The following PCDHGA2 variants were observed in gnomAD, a reference collection of about 807,000 sequenced individuals.
PCDHGA2 encodes the protein protocadherin gamma-A2.
In PCDHGA2, 40 loss-of-function variants were observed where a neutral mutation model predicts 59.2. The observed-to-expected ratio is 0.68, with a 90% CI of 0.52 to 0.88. PCDHGA2 has a LOEUF of 0.88. Among genes scored for constraint, PCDHGA2 ranks in the 40% least tolerant of loss-of-function variants. PCDHGA2 has a pLI of 0.00. For missense variants in PCDHGA2, 1,226 were observed against 1,204.0 expected (o/e 1.02, Z -0.27); for synonymous variants, 560 against 526.0 (o/e 1.06, Z -0.89).
intron 1 of PCDHGA2, chr5:141,404,627 G>GC (rs2094548617): frequency 6.2e-7 from 1 of 1,614,026 alleles, no homozygotes; most frequent in Non-Finnish European, 8.5e-7. Flanking sequence ...GAATGACAAT[G>GC]CCCCAGAAAT....
chr5:141,393,350 C>T (rs775303289), intron 1 of PCDHGA2: 25 of 1,613,840 alleles, frequency 1.5e-5, no homozygotes, highest in Non-Finnish European at 1.9e-5. Flanking sequence ...ACCACTTCTC[C>T]CTGGACGTGC....
chr5:141,489,530 G>C lies in PCDHGA2; in HGVS notation c.2425-5277G>C, dbSNP rs751249228. 17 of 1,614,092 alleles carry C rather than the reference G, an allele frequency of 1.1e-5. 1 individual carries two copies. In the South Asian group the frequency reaches 1.9e-4, roughly 18 times the overall value. ...AAGATTGACCGAGAAAGCCTATGTG[G>C]AGCCAGCACCAGCTGCCTGCTGCCA... On this transcript the variant is annotated intron_variant, in intron 1 of 3. Coordinates refer to ENST00000394576, the MANE Select transcript of PCDHGA2 (RefSeq NM_018915.4). The surrounding 1 kb of genome is among the most constrained non-coding windows in gnomAD (Gnocchi z 4.5).
rs775081505 is a variant in PCDHGA2 at position 141,486,730 on chromosome 5, T to C, written c.2425-8077T>C. ...ACCCCCAGACAGGAGCTGTTCATGC[T>C]ACTCGATCCTTTGACTATGAGCAAA... On this transcript the variant is annotated intron_variant, in intron 1 of 3. Coordinates refer to ENST00000394576, the MANE Select transcript of PCDHGA2 (RefSeq NM_018915.4). This position sits in a 1 kb window ranked among gnomAD's most constrained non-coding sequence, Gnocchi z 5.0. 1 of 1,614,120 alleles carries C rather than the reference T, an allele frequency of 6.2e-7. No homozygotes were observed. Among genetic ancestry groups the C allele is most frequent in the Non-Finnish European group, 8.5e-7 (1 of 1,180,050 alleles).
rs13178808 is a variant in PCDHGA2 at position 141,491,920 on chromosome 5, G to A, written c.2425-2887G>A. 1.2e-4 allele frequency: 164 copies of A among 1,356,270 alleles called. No individual in the cohort carries two copies. Among genetic ancestry groups the A allele is most frequent in the Non-Finnish European group, 1.5e-4 (155 of 1,015,194 alleles). The allele number at this position is 1,356,270 out of a possible 1,614,324, so 84.0% of individuals were successfully genotyped here. On this transcript the variant is annotated intron_variant, in intron 1 of 3. Transcript: ENST00000394576. This position sits in a 1 kb window ranked among gnomAD's most constrained non-coding sequence, Gnocchi z 6.9. ...ACCGGGGGTGGTGGCGACTGTGGGC[G>A]AGGGGAGGTGGGACCGACCCCCACC...
chr5:141,432,014 A>G lies in PCDHGA2; in HGVS notation c.2425-62793A>G, dbSNP rs778393699. The G allele has an allele frequency of 1.5e-5, 25 of 1,614,078 alleles. No individual in the cohort carries two copies. The highest frequency in any genetic ancestry group is 2.0e-5 in the Non-Finnish European group (24 of 1,180,036). ...GGATAGGGAACAGGTTCCTAGCTAC[A>G]ACATCACAGTGACCGCCACTGACCG... On this transcript the variant is annotated intron_variant, in intron 1 of 3. Coordinates refer to ENST00000394576, the MANE Select transcript of PCDHGA2 (RefSeq NM_018915.4). This position sits in a 1 kb window ranked among gnomAD's most constrained non-coding sequence, Gnocchi z 6.0.
intron 1 of PCDHGA2, chr5:141,364,759 T>C: frequency 1.2e-6 from 2 of 1,613,952 alleles, no homozygotes; most frequent in Non-Finnish European, 1.7e-6. Context: ...TAAAAGTTAA[T>C]GAAAATGCGG....
In PCDHGA2 at chr5:141,339,668, C is replaced by T. The variant is rs747182196; in HGVS notation, c.697C>T (p.Leu233=). The change falls in exon 1 of 4, where the codon CTG becomes TTG. Residue 233 remains leucine (L), a synonymous_variant. Transcript: ENST00000394576. ...CACCTCCCGCATCTGCGTGAAGGTC[C>T]TGGATGCGAACGACAATGCGCCTGT... ...SGTSRICVKV[L]DANDNAPVFT... 2 of 1,614,210 alleles carry T rather than the reference C, an allele frequency of 1.2e-6. No homozygotes were observed. The highest frequency in any genetic ancestry group is 1.7e-5 in the Admixed American group (1 of 60,026).
intron 1 of PCDHGA2, chr5:141,398,655 A>G (rs760602313): frequency 3.1e-6 from 5 of 1,614,034 alleles, no homozygotes; most frequent in Non-Finnish European, 4.2e-6. Context: ...CTCTTAACCC[A>G]AGTTTCTCAT....
intron 1 of PCDHGA2, chr5:141,374,693 G>A (rs1222347266): frequency 6.2e-7 from 1 of 1,609,316 alleles, no homozygotes; most frequent in Non-Finnish European, 8.5e-7. Flanking sequence ...GGACCGGGAA[G>A]GAGAAGCCGT....
intron 1 of PCDHGA2, among the ~76,000 whole-genome samples, chr5:141,457,387 T>A (rs530736201): frequency 2.0e-5 from 3 of 152,340 alleles, no homozygotes; most frequent in Non-Finnish European, 2.9e-5. Context: ...AGAACTAGCA[T>A]ATTGATTCAC....
At position 141,385,580 on chromosome 5, in the gene PCDHGA2, A is replaced by G. The variant is rs2090291043; in HGVS notation, c.2424+44185A>G. On this transcript the variant is annotated intron_variant, in intron 1 of 3. Transcript: ENST00000394576. Reference sequence around the variant, plus strand: ...ATAATTTCCACCTACTTTCCAATCTATGTTCCAACCTACTTTCTTAACTCA... The same window carrying G: ...ATAATTTCCACCTACTTTCCAATCTGTGTTCCAACCTACTTTCTTAACTCA... The G allele has an allele frequency of 4.7e-6, 6 of 1,280,456 alleles. No individual in the cohort carries two copies. The South Asian group carries it at 1.2e-4, about 25-fold the overall frequency. The allele number at this position is 1,280,456 out of a possible 1,614,324, so 79.3% of individuals were successfully genotyped here.
intron 1 of PCDHGA2, chr5:141,352,693 AATTTTATAT>A (rs1481590052): frequency 3.9e-6 from 6 of 1,556,420 alleles, no homozygotes; most frequent in African/African-American, 2.7e-5. Context: ...AATCTAGTTA[AATTTTATAT>A]ATGGCGGCCG....
At chr5:141,350,653 T>C (rs1758530923) in intron 1 of PCDHGA2, 13 of 1,614,034 alleles carry the variant, frequency 8.1e-6, no homozygotes, top group Non-Finnish European at 1.1e-5. Context: ...CACGTTTCGT[T>C]GCAAAAGGCA....
intron 1 of PCDHGA2, chr5:141,409,193 TGTAAA>T (rs2095239502): frequency 1.2e-6 from 2 of 1,613,988 alleles, no homozygotes; most frequent in African/African-American, 1.3e-5. Context: ...CTCTACCCAG[TGTAAA>T]GTAATCATAG....
Position 141,491,730 on chromosome 5 carries a change from C to G in PCDHGA2, c.2425-3077C>G, listed in dbSNP as rs1346666614. 1 of 1,603,920 alleles carries G rather than the reference C, an allele frequency of 6.2e-7. No homozygotes were observed. Among genetic ancestry groups the G allele is most frequent in the Non-Finnish European group, 8.5e-7 (1 of 1,175,836 alleles). ...GGGGCTCGGCGCCGCCCCGGGCGAC[C>G]CCTGGGGGCGGCACTGGAGAAGCCG... On this transcript the variant is annotated intron_variant, in intron 1 of 3. Coordinates refer to ENST00000394576, the MANE Select transcript of PCDHGA2 (RefSeq NM_018915.4). The surrounding 1 kb of genome is among the most constrained non-coding windows in gnomAD (Gnocchi z 6.9).
chr5:141,440,077 C>T (rs983267885), intron 1 of PCDHGA2: 1 of 152,424 alleles, frequency 6.6e-6, no homozygotes, highest in Non-Finnish European at 1.5e-5. Flanking sequence ...AGGAATAATA[C>T]TTCATTCTAA....
intron 1 of PCDHGA2, chr5:141,420,202 C>G: frequency 1.2e-6 from 2 of 1,613,256 alleles, no homozygotes; most frequent in Non-Finnish European, 1.7e-6. Context: ...AAGATAACCT[C>G]AACAAAGATA....
intron 1 of PCDHGA2, chr5:141,484,966 G>C: frequency 1.7e-6 from 1 of 583,968 alleles, no homozygotes. Context: ...GAGCCCGGGA[G>C]CCGCTGTCTG....
chr5:141,352,006 C>G (rs766760252), intron 1 of PCDHGA2: 4 of 1,610,492 alleles, frequency 2.5e-6, no homozygotes, highest in Non-Finnish European at 3.4e-6. Flanking sequence ...AGCCCGGCTA[C>G]CTGGTGACCA....
Sources: gnomAD v4.1 joint callset for allele counts (sites outside exome capture counted in the v4.1 genomes callset) on GRCh38, gnomAD v4.1.1 for gene constraint, Gnocchi (gnomAD v3.1) non-coding constraint, MANE v1.5 for transcripts, NCBI Gene and HGNC (gene_info 2026-07-23, HGNC 2026-07-21) for gene names.